The following CWH43 variants were observed in gnomAD, a reference collection of about 807,000 sequenced individuals.
CWH43 encodes the protein cell wall biogenesis 43 C-terminal homolog.
In CWH43, 91 loss-of-function variants were observed where a neutral mutation model predicts 85.7. That is an observed-to-expected ratio of 1.06 (90% CI 0.90 to 1.26). The LOEUF is 1.26. Ranked by LOEUF, CWH43 falls within the 50% of genes most tolerant of loss-of-function variation. The probability of loss-of-function intolerance (pLI) is 0.00; values close to 1 mark genes in which losing one functional copy is unlikely to be tolerated. For synonymous variants in CWH43, 323 were observed against 293.6 expected (o/e 1.10, Z -1.02); for missense variants, 869 against 839.2 (o/e 1.04, Z -0.44).
At chr4:49,039,176 C>A (rs1280136368) in intron 13 of CWH43, among the ~76,000 whole-genome samples, 2 of 141,220 alleles carry the variant, frequency 1.4e-5, no homozygotes, top group Non-Finnish European at 3.1e-5. Flanking sequence ...GGCTAATTAG[C>A]CAACAGGGCC....
chr4:48,997,068 A>G (rs1295374941), intron 5 of CWH43, among the ~76,000 whole-genome samples: 2 of 152,210 alleles, frequency 1.3e-5, no homozygotes, highest in Non-Finnish European at 2.9e-5. Context: ...CAGGTTTCCT[A>G]AAGTTATTTG....
chr4:49,055,540 C>T (rs1463389215), intron 15 of CWH43, among the ~76,000 whole-genome samples: 1 of 151,868 alleles, frequency 6.6e-6, no homozygotes, highest in Non-Finnish European at 1.5e-5. Flanking sequence ...GGTGTTCCCT[C>T]CTCTTCAATT....
At chr4:49,036,050 G>C (rs1784251635) in intron 12 of CWH43, among the ~76,000 whole-genome samples, 1 of 152,154 alleles carries the variant, frequency 6.6e-6, no homozygotes, top group Non-Finnish European at 1.5e-5. Flanking sequence ...CTGCCTTAAG[G>C]CCGAAGGAAC....
Position 48,994,807 on chromosome 4 carries a change from C to T in CWH43, c.700C>T (p.Pro234Ser). Residue 234 changes from proline (P) to serine (S), a missense_variant, in exon 5 of 16, where the codon CCT (proline) becomes TCT (serine). This residue lies in a region of CWH43 where 152 missense variants were observed against 203.6 expected (regional missense o/e 0.75). Coordinates refer to ENST00000226432, the MANE Select transcript of CWH43 (RefSeq NM_025087.3). Reference sequence around the variant, plus strand: ...TGGGCATCCACATCCAGGGCCAGATCCTAACCCATTTGGGTGAGTTTGGGT... The same window carrying T: ...TGGGCATCCACATCCAGGGCCAGATTCTAACCCATTTGGGTGAGTTTGGGT... ...VSGHPHPGPDPNPFGGAVLLC... is the reference protein window; with the variant it reads ...VSGHPHPGPDSNPFGGAVLLC... 1 of 1,613,896 alleles carries T rather than the reference C, an allele frequency of 6.2e-7. No individual in the cohort carries two copies.
chr4:49,011,219 A>G (rs1188803037), intron 8 of CWH43, among the ~76,000 whole-genome samples: 2 of 151,954 alleles, frequency 1.3e-5, no homozygotes, highest in Admixed American at 6.6e-5. Flanking sequence ...TGATCCCTTT[A>G]CTATTATGTA....
intron 15 of CWH43, among the ~76,000 whole-genome samples, chr4:49,054,102 A>T (rs1392768488): frequency 6.6e-6 from 1 of 152,114 alleles, no homozygotes; most frequent in Non-Finnish European, 1.5e-5. Flanking sequence ...CCAATGTTGA[A>T]GGTTTTTCTT....
intron 8 of CWH43, among the ~76,000 whole-genome samples, chr4:49,013,480 C>T (rs1783435055): frequency 6.6e-6 from 1 of 152,234 alleles, no homozygotes; most frequent in African/African-American, 2.4e-5. Flanking sequence ...TACTTCAGAT[C>T]ACCCTCCATG....
intron 11 of CWH43, among the ~76,000 whole-genome samples, chr4:49,031,436 A>G (rs1321030947): frequency 3.3e-5 from 5 of 152,162 alleles, no homozygotes; most frequent in Admixed American, 1.3e-4. Context: ...AGGACCCAGG[A>G]CCAGCCTTGG....
chr4:49,007,201 G>GGACAAT lies in CWH43; in HGVS notation c.1064_1069dup (p.Thr355_Met356dup), dbSNP rs755411433. On this transcript the variant is annotated inframe_insertion and splice_region_variant, in exon 8 of 16. Coordinates refer to ENST00000226432, the MANE Select transcript of CWH43 (RefSeq NM_025087.3). ...ATATTCTTTCTTTCTCTTATAACAG[G>GGACAAT]GACAATGATGTTAATTATCGGGCTG... The GGACAAT allele has an allele frequency of 6.6e-5, 106 of 1,605,488 alleles. No individual in the cohort carries two copies. The highest frequency in any genetic ancestry group is 8.8e-5 in the Non-Finnish European group (103 of 1,177,132).
chr4:49,002,275 G>A (rs1783013530), intron 6 of CWH43, among the ~76,000 whole-genome samples: 1 of 152,122 alleles, frequency 6.6e-6, no homozygotes, highest in Non-Finnish European at 1.5e-5. Context: ...TGTTTTAAAA[G>A]CTTGACATAG....
intron 2 of CWH43, among the ~76,000 whole-genome samples, chr4:48,989,886 A>G (rs1782605467): frequency 1.3e-5 from 2 of 152,248 alleles, no homozygotes; most frequent in Admixed American, 6.5e-5. Flanking sequence ...TCCTACCCTT[A>G]ACTGAGTAAA....
In CWH43 at chr4:48,992,582, A is replaced by G. The variant is rs1212660922; in HGVS notation, c.511+492A>G. Among the ~76,000 whole-genome samples, 1 of 152,186 alleles carries G rather than the reference A, an allele frequency of 6.6e-6. No homozygotes were observed. The highest frequency in any genetic ancestry group is 2.4e-5 in the African/African-American group (1 of 41,436). On this transcript the variant is annotated intron_variant, in intron 4 of 15. Coordinates refer to ENST00000226432, the MANE Select transcript of CWH43 (RefSeq NM_025087.3). This position sits in a 1 kb window ranked among gnomAD's most constrained non-coding sequence, Gnocchi z 4.3. ...GAATTGAAAAGATAAGAAACCTTGC[A>G]TATGCATACTGACTTTCCAATCACC...
Position 48,992,095 on chromosome 4 carries a change from T to C in CWH43, c.511+5T>C, listed in dbSNP as rs761664095. On this transcript the variant is annotated splice_donor_5th_base_variant and intron_variant, in intron 4 of 15. Coordinates refer to ENST00000226432, the MANE Select transcript of CWH43 (RefSeq NM_025087.3). The surrounding 1 kb of genome is among the most constrained non-coding windows in gnomAD (Gnocchi z 4.3). ...CACTTGATCGTATTGGCACAGGTAATACTGTAACTTAGGAATTTTCTCTTT... is the reference window on the plus strand; with the variant it reads ...CACTTGATCGTATTGGCACAGGTAACACTGTAACTTAGGAATTTTCTCTTT... 4 of 1,604,332 alleles carry C rather than the reference T, an allele frequency of 2.5e-6. No homozygotes were observed. In the African/African-American group the frequency reaches 4.0e-5, roughly 16 times the overall value.
At position 49,016,816 on chromosome 4, in the gene CWH43, C is replaced by A. The variant is rs564383584; in HGVS notation, c.1187-433C>A. 1.1e-4 allele frequency: 82 copies of A among 777,502 alleles called. 1 individual carries two copies. In the African/African-American group the frequency reaches 1.3e-3, roughly 12 times the overall value. 48.2% of individuals were successfully genotyped at this position (777,502 alleles called of 1,614,324 possible). The stretch of plus-strand genomic sequence containing the variant: ...CCAAGTCCCTCTGCCAGAGCACGGG[C>A]CACTTTCTGCTCAATCAGTTCATCT... On this transcript the variant is annotated intron_variant, in intron 8 of 15. Coordinates refer to ENST00000226432, the MANE Select transcript of CWH43 (RefSeq NM_025087.3).
At chr4:49,041,327 C>T (rs1419669343) in intron 13 of CWH43, among the ~76,000 whole-genome samples, 3 of 152,116 alleles carry the variant, frequency 2.0e-5, no homozygotes, top group Admixed American at 2.0e-4. Flanking sequence ...GTATAAATTA[C>T]CTTGGGCAGT....
chr4:49,051,579 A>C (rs1784799434), intron 15 of CWH43, among the ~76,000 whole-genome samples: 1 of 152,160 alleles, frequency 6.6e-6, no homozygotes, highest in South Asian at 2.1e-4. Flanking sequence ...TACCATGTGA[A>C]ATACAATTTT....
At chr4:49,028,034 CT>C (rs1783973892) in intron 9 of CWH43, among the ~76,000 whole-genome samples, 1 of 152,172 alleles carries the variant, frequency 6.6e-6, no homozygotes, top group African/African-American at 2.4e-5. Context: ...TTGAAGGCCC[CT>C]CTGTATCCCT....
intron 12 of CWH43, among the ~76,000 whole-genome samples, chr4:49,036,039 C>T (rs80144121): frequency 0.045 from 6,885 of 152,198 alleles, 444 homozygotes; most frequent in African/African-American, 0.14. Context: ...GGAATCATTA[C>T]CTGCCTTAAG....
At chr4:48,993,339 C>T (rs1337008703) in intron 4 of CWH43, among the ~76,000 whole-genome samples, 1 of 152,174 alleles carries the variant, frequency 6.6e-6, no homozygotes, top group African/African-American at 2.4e-5. Flanking sequence ...CTCCGCTGAG[C>T]CCCCAGACCC....
Sources: allele counts gnomAD v4.1 joint callset (sites outside exome capture counted in the v4.1 genomes callset), GRCh38; gene constraint gnomAD v4.1.1; regional missense constraint gnomAD v4.1.1; non-coding constraint Gnocchi (gnomAD v3.1); transcripts MANE v1.5; gene names NCBI Gene and HGNC (gene_info 2026-07-23, HGNC 2026-07-21).